Variants in KIF24 observed in about 807,000 individuals in gnomAD.
KIF24 encodes the protein kinesin family member 24.
Under a neutral mutation model 118.9 loss-of-function variants are expected in KIF24, and 81 were observed. The ratio of observed to expected loss-of-function variants is 0.68; its 90% CI spans 0.57 to 0.82. The LOEUF (loss-of-function observed/expected upper bound fraction) is 0.82, where lower values mean the gene tolerates loss of function less well. KIF24 is among the 40% of genes least tolerant of loss of function. The pLI, the probability that KIF24 is intolerant of heterozygous loss-of-function variation, is 0.00. For missense variants in KIF24, 1,560 were observed against 1,661.6 expected, an observed-to-expected ratio of 0.94 and a Z score of 1.06; for synonymous variants, 599 against 610.0, an observed-to-expected ratio of 0.98 and a Z score of 0.27.
intron 3 of KIF24, among the ~76,000 whole-genome samples, chr9:34,297,636 C>T (rs1248463570): frequency 2.0e-5 from 3 of 151,948 alleles, no homozygotes; most frequent in African/African-American, 7.2e-5. Context: ...GTGGTGGGCA[C>T]TTGTAATCCC....
At chr9:34,290,815 G>A (rs981835951) in intron 4 of KIF24, among the ~76,000 whole-genome samples, 9 of 151,956 alleles carry the variant, frequency 5.9e-5, no homozygotes, top group East Asian at 1.9e-4. Context: ...GGCCAAGCTC[G>A]TCTCGAACTC....
At position 34,256,509 on chromosome 9, in the gene KIF24, T is replaced by A. The variant is rs148584397; in HGVS notation, c.3098A>T (p.Asp1033Val). ...VKNGHAVPGEDPRGQLGTHAE... is the reference protein window; with the variant it reads ...VKNGHAVPGEVPRGQLGTHAE... Reference sequence around the variant, plus strand: ...ATGCGTGCCTAACTGCCCCCTAGGATCCTCTCCTGGGACAGCATGACCGTT... The same window carrying A: ...ATGCGTGCCTAACTGCCCCCTAGGAACCTCTCCTGGGACAGCATGACCGTT... The change falls in exon 11 of 13, where the codon GAT becomes GTT. Residue 1033 changes from aspartate to valine, a missense_variant. Coordinates refer to ENST00000402558, the MANE Select transcript of KIF24 (RefSeq NM_194313.4). The A allele has an allele frequency of 1.2e-6, 2 of 1,613,734 alleles. No homozygotes were observed. The highest frequency in any genetic ancestry group is 2.7e-5 in the African/African-American group (2 of 74,898).
In KIF24 at chr9:34,259,717, A is replaced by G; in HGVS notation, c.1516-12T>C. 1 of 1,579,542 alleles carries G rather than the reference A, an allele frequency of 6.3e-7. No homozygotes were observed. The highest frequency in any genetic ancestry group is 8.7e-7 in the Non-Finnish European group (1 of 1,148,590). ...GAGTCCTTCAGGACCTGTCCAAAAC[A>G]GAAGGCAGGTCAATGAGTGAAGTCA... is the stretch of plus-strand genomic sequence containing the variant. On this transcript the variant is annotated splice_polypyrimidine_tract_variant and intron_variant, in intron 9 of 12. Transcript: ENST00000402558.
At chr9:34,267,160 T>A (rs1422465209) in intron 8 of KIF24, among the ~76,000 whole-genome samples, 2 of 152,290 alleles carry the variant, frequency 1.3e-5, no homozygotes, top group African/African-American at 4.8e-5. Context: ...ATTCTGGAAC[T>A]CTTAATAAAA....
At chr9:34,275,047 A>G (rs552475869) in intron 6 of KIF24, among the ~76,000 whole-genome samples, 15 of 152,286 alleles carry the variant, frequency 9.8e-5, no homozygotes, top group Non-Finnish European at 1.9e-4. Context: ...CAAAAAAAAG[A>G]AATAATGAAT....
chr9:34,286,810 T>C, intron 5 of KIF24, 106 bp from the exon 6 acceptor site: 4 of 770,748 alleles, frequency 5.2e-6, no homozygotes, highest in Admixed American at 2.1e-5. Flanking sequence ...AGCAGTTTTC[T>C]GTTTGAGTGG....
intron 8 of KIF24, among the ~76,000 whole-genome samples, chr9:34,263,931 A>G (rs1446144051): frequency 6.6e-6 from 1 of 151,948 alleles, no homozygotes; most frequent in Non-Finnish European, 1.5e-5. Flanking sequence ...AAGGCAAAGG[A>G]ATGTTCCTTG....
rs766583643 is a variant in KIF24 at position 34,269,237 on chromosome 9, A to T, written c.1443+20T>A. On this transcript the variant is annotated intron_variant, in intron 8 of 12. Coordinates refer to ENST00000402558, the MANE Select transcript of KIF24 (RefSeq NM_194313.4). ...GTCTTTCAAGAAGGATTTTTAGATTAAAGATTTTGAACAACTTACAGCCAG... is the reference window on the plus strand; with the variant it reads ...GTCTTTCAAGAAGGATTTTTAGATTTAAGATTTTGAACAACTTACAGCCAG... 3.5e-6 allele frequency: 5 copies of T among 1,438,856 alleles called. No homozygotes were observed. The East Asian group carries it at 1.2e-4, about 33-fold the overall frequency. The allele number at this position is 1,438,856 out of a possible 1,614,324, so 89.1% of individuals were successfully genotyped here.
chr9:34,307,128 G>A (rs1836955693), intron 2 of KIF24, among the ~76,000 whole-genome samples: 2 of 152,084 alleles, frequency 1.3e-5, no homozygotes, highest in South Asian at 4.1e-4. Flanking sequence ...GAGTACAGTG[G>A]CACAGCCATG....
chr9:34,304,446 A>T (rs1836838782), intron 3 of KIF24, among the ~76,000 whole-genome samples: 1 of 152,184 alleles, frequency 6.6e-6, no homozygotes, highest in African/African-American at 2.4e-5. Context: ...GAAAAATACG[A>T]AAGATAAGAT....
In KIF24 at chr9:34,329,100, TCTCACCTCGGTCCAAACTC is replaced by T. The variant is rs1367930442; in HGVS notation, c.-39_-26+5del. On this transcript the variant is annotated splice_donor_variant and splice_donor_5th_base_variant and 5_prime_UTR_variant and intron_variant, in exon 1 of 13. Coordinates refer to ENST00000402558, the MANE Select transcript of KIF24 (RefSeq NM_194313.4). LOFTEE classifies it low-confidence loss of function (5UTR_SPLICE). ...CCCCTCCTCTATTCTCCCCGCCCTT[TCTCACCTCGGTCCAAACTC>T]CTCGGTCTGCCCTGTCTGAGAAGAG... Among the ~76,000 whole-genome samples the T allele has an allele frequency of 6.6e-6, 1 of 152,152 alleles. No homozygotes were observed. Among genetic ancestry groups the T allele is most frequent in the Non-Finnish European group, 1.5e-5 (1 of 68,008 alleles).
chr9:34,272,612 G>A (rs961185552), intron 6 of KIF24, among the ~76,000 whole-genome samples: 1 of 152,070 alleles, frequency 6.6e-6, no homozygotes, highest in East Asian at 1.9e-4. Context: ...TAGTTACTGA[G>A]AATAAAAAAG....
intron 1 of KIF24, among the ~76,000 whole-genome samples, chr9:34,323,192 A>G (rs1451242521): frequency 1.3e-5 from 2 of 152,244 alleles, no homozygotes; most frequent in African/African-American, 4.8e-5. Context: ...ATTTGGGGAT[A>G]TAAATCATGT....
chr9:34,308,204 G>A lies in KIF24; in HGVS notation c.624-1763C>T, dbSNP rs566675097. On this transcript the variant is annotated intron_variant, in intron 2 of 12. Transcript: ENST00000402558. The stretch of plus-strand genomic sequence containing the variant: ...GCTGGCCTCGAACTCCTGGGCTCAA[G>A]CAATCTGCCTGCCTTGGCCTCCCAA... 3.3e-5 allele frequency among the ~76,000 whole-genome samples: 5 copies of A among 152,248 alleles called. No individual in the cohort carries two copies. The East Asian group carries it at 9.6e-4, about 29-fold the overall frequency.
At chr9:34,255,587 G>C in intron 11 of KIF24, 148 bp downstream of exon 11, 1 of 694,770 alleles carries the variant, frequency 1.4e-6, no homozygotes, top group Non-Finnish European at 2.4e-6. Flanking sequence ...TGGAGGGCCC[G>C]GGACCAAAGC....
At chr9:34,320,082 C>T (rs1837464287) in intron 1 of KIF24, among the ~76,000 whole-genome samples, 1 of 152,244 alleles carries the variant, frequency 6.6e-6, no homozygotes, top group East Asian at 1.9e-4. Flanking sequence ...CTCCCAACTA[C>T]AAAACTAGGT....
chr9:34,258,567 C>T (rs1180272941), intron 10 of KIF24, among the ~76,000 whole-genome samples: 1 of 152,164 alleles, frequency 6.6e-6, no homozygotes, highest in Non-Finnish European at 1.5e-5. Flanking sequence ...TCACCACAGC[C>T]CCATGTAAGG....
intron 3 of KIF24, among the ~76,000 whole-genome samples, chr9:34,301,912 A>T (rs1836722433): frequency 6.6e-6 from 1 of 152,072 alleles, no homozygotes; most frequent in South Asian, 2.1e-4. Flanking sequence ...GTATCCTTAA[A>T]TCTAGGTGTT....
chr9:34,294,010 C>T (rs998190611), intron 4 of KIF24, among the ~76,000 whole-genome samples: 12 of 152,136 alleles, frequency 7.9e-5, no homozygotes, highest in African/African-American at 2.9e-4. Flanking sequence ...TGCTCTGTTG[C>T]CCAGGCTGGA....
Sources: gnomAD v4.1 joint callset for allele counts (sites outside exome capture counted in the v4.1 genomes callset) on GRCh38, gnomAD v4.1.1 for gene constraint, MANE v1.5 for transcripts, NCBI Gene and HGNC (gene_info 2026-07-23, HGNC 2026-07-21) for gene names.